Variants in DYM observed in about 807,000 individuals in gnomAD.
DYM encodes dymeclin.
Under a neutral mutation model 93.1 loss-of-function variants are expected in DYM, and 78 were observed. The ratio of observed to expected loss-of-function variants is 0.84; its 90% CI spans 0.70 to 1.01. DYM has a LOEUF of 1.01. Ranked by LOEUF, DYM falls within the 50% of genes least tolerant of loss-of-function variation. The pLI, the probability that DYM is intolerant of heterozygous loss-of-function variation, is 0.00. For missense variants in DYM, 789 were observed against 845.0 expected (o/e 0.93, Z 0.82); for synonymous variants, 321 against 319.7 (o/e 1.00, Z -0.04).
intron 1 of DYM, among the ~76,000 whole-genome samples, chr18:49,437,122 C>T (rs1269322940): frequency 1.3e-5 from 2 of 152,122 alleles, no homozygotes; most frequent in African/African-American, 4.8e-5. Flanking sequence ...AATACAAAAG[C>T]TTCAAAGGAT....
chr18:49,433,582 T>C (rs1026157693), intron 1 of DYM, among the ~76,000 whole-genome samples: 6 of 152,264 alleles, frequency 3.9e-5, no homozygotes, highest in African/African-American at 1.2e-4. Context: ...TTATTAGTTA[T>C]AAATAAGGAA....
At chr18:49,191,126 G>A (rs1600486772) in intron 14 of DYM, among the ~76,000 whole-genome samples, 1 of 152,000 alleles carries the variant, frequency 6.6e-6, no homozygotes, top group East Asian at 1.9e-4. Context: ...ATCGTTCAAG[G>A]GTCGACTATA....
intron 11 of DYM, among the ~76,000 whole-genome samples, chr18:49,261,072 T>C (rs2094481804): frequency 6.6e-6 from 1 of 151,942 alleles, no homozygotes; most frequent in South Asian, 2.1e-4. Context: ...CTCTAGCAAG[T>C]CTAACAACAG....
At chr18:49,263,811 T>G (rs1035389985) in intron 11 of DYM, among the ~76,000 whole-genome samples, 1 of 152,192 alleles carries the variant, frequency 6.6e-6, no homozygotes, top group Non-Finnish European at 1.5e-5. Context: ...ACAGTGGCAC[T>G]AGCCACAAGT....
chr18:49,046,456 C>T (rs2071575034), intron 17 of DYM, among the ~76,000 whole-genome samples: 1 of 150,610 alleles, frequency 6.6e-6, no homozygotes, highest in Non-Finnish European at 1.5e-5. Flanking sequence ...CACACACTCA[C>T]ATGCAGACAC....
chr18:49,438,879 C>T (rs924056856), intron 1 of DYM, among the ~76,000 whole-genome samples: 6 of 152,202 alleles, frequency 3.9e-5, no homozygotes, highest in Non-Finnish European at 5.9e-5. Flanking sequence ...CAAACACACA[C>T]GCACAATCGT....
chr18:49,146,740 G>T (rs1306068427), intron 15 of DYM, among the ~76,000 whole-genome samples: 2 of 152,204 alleles, frequency 1.3e-5, no homozygotes, highest in African/African-American at 4.8e-5. Flanking sequence ...TGGGTAGGAA[G>T]AATCAATATT....
intron 8 of DYM, among the ~76,000 whole-genome samples, chr18:49,327,253 G>C (rs1599449326): frequency 6.6e-6 from 1 of 152,136 alleles, no homozygotes; most frequent in South Asian, 2.1e-4. Flanking sequence ...GGAGAATGCA[G>C]ATAAATGGGA....
chr18:49,088,137 A>G (rs1048220161), intron 17 of DYM, among the ~76,000 whole-genome samples: 4 of 152,048 alleles, frequency 2.6e-5, no homozygotes, highest in Non-Finnish European at 5.9e-5. Context: ...CCATTTGTCA[A>G]TTTTGGCTTT....
intron 2 of DYM, among the ~76,000 whole-genome samples, chr18:49,394,661 C>A (rs2069821374): frequency 6.6e-6 from 1 of 152,126 alleles, no homozygotes; most frequent in Non-Finnish European, 1.5e-5. Context: ...CGATACGTAA[C>A]AAGGGATATT....
chr18:49,326,520 A>AAC (rs1402183589), intron 8 of DYM, among the ~76,000 whole-genome samples: 1 of 152,158 alleles, frequency 6.6e-6, no homozygotes, highest in Non-Finnish European at 1.5e-5. Flanking sequence ...TATTACACTA[A>AAC]TTTTAAAAAC....
intron 8 of DYM, chr18:49,329,456 A>C (rs772433383): frequency 6.6e-6 from 1 of 152,264 alleles, no homozygotes; most frequent in African/African-American, 2.4e-5. Context: ...AAGCAAAAGG[A>C]GAGTATCAGG....
intron 10 of DYM, among the ~76,000 whole-genome samples, chr18:49,276,685 G>A (rs1163995879): frequency 6.6e-6 from 1 of 152,086 alleles, no homozygotes; most frequent in Non-Finnish European, 1.5e-5. Flanking sequence ...TGGAAGCTGT[G>A]GCAAAATTAT....
chr18:49,230,283 T>A (rs1019771459), intron 13 of DYM, among the ~76,000 whole-genome samples: 1 of 152,174 alleles, frequency 6.6e-6, no homozygotes, highest in Non-Finnish European at 1.5e-5. Flanking sequence ...CCAACTGTAT[T>A]CAAGGGAAGA....
chr18:49,211,545 A>G (rs944681875), intron 13 of DYM, among the ~76,000 whole-genome samples: 1 of 152,224 alleles, frequency 6.6e-6, no homozygotes, highest in Middle Eastern at 3.2e-3. Flanking sequence ...ACTCAAAACT[A>G]GTAAGTTAGA....
At chr18:49,299,183 A>G (rs1309364039) in intron 8 of DYM, among the ~76,000 whole-genome samples, 1 of 152,202 alleles carries the variant, frequency 6.6e-6, no homozygotes, top group African/African-American at 2.4e-5. Context: ...AAAATCTTTA[A>G]TAGTTATGTA....
chr18:49,326,394 A>T (rs2062879679), intron 8 of DYM, among the ~76,000 whole-genome samples: 1 of 152,082 alleles, frequency 6.6e-6, no homozygotes, highest in Non-Finnish European at 1.5e-5. Flanking sequence ...ATATAACACA[A>T]GATAAATATA....
intron 14 of DYM, among the ~76,000 whole-genome samples, chr18:49,166,122 C>T (rs1021744990): frequency 6.6e-6 from 1 of 152,154 alleles, no homozygotes; most frequent in Admixed American, 6.6e-5. Context: ...ATACTTTCCA[C>T]TCATCGTTAT....
At chr18:49,183,579 T>C (rs1448730241) in intron 14 of DYM, among the ~76,000 whole-genome samples, 1 of 152,198 alleles carries the variant, frequency 6.6e-6, no homozygotes, top group Non-Finnish European at 1.5e-5. Flanking sequence ...GTTAATTATA[T>C]ACATTTTATT....
Sources: gnomAD v4.1 joint callset for allele counts (sites outside exome capture counted in the v4.1 genomes callset) on GRCh38, gnomAD v4.1.1 for gene constraint, MANE v1.5 for transcripts, NCBI Gene and HGNC (gene_info 2026-07-23, HGNC 2026-07-21) for gene names.